MAPK10: variants seen among roughly 807,000 people sequenced by gnomAD.
MAPK10 encodes the protein JNK3 alpha protein kinase.
In MAPK10, 25 loss-of-function variants were observed where a neutral mutation model predicts 59.3. The observed-to-expected ratio is 0.42, with a 90% CI of 0.31 to 0.59. MAPK10 has a LOEUF of 0.59. Among genes scored for constraint, MAPK10 ranks in the 20% least tolerant of loss-of-function variants. The pLI is 0.15. For synonymous variants in MAPK10, 190 were observed against 200.5 expected (o/e 0.95, Z 0.44); for missense variants, 351 against 568.9 (o/e 0.62, Z 3.90).
At chr4:86,105,883 C>G (rs1346016687) in intron 5 of MAPK10, among the ~76,000 whole-genome samples, 1 of 152,098 alleles carries the variant, frequency 6.6e-6, no homozygotes, top group Non-Finnish European at 1.5e-5. Flanking sequence ...GTAAACCTAT[C>G]CCACCATACA....
intron 13 of MAPK10, chr4:86,026,867 G>A (rs1014038768): frequency 2.6e-5 from 4 of 152,020 alleles, no homozygotes; most frequent in East Asian, 3.8e-4. Context: ...ACAGTGGTGC[G>A]CCAATAAAAA....
At chr4:86,588,825 CG>C (rs1229393280) in intron 1 of MAPK10, among the ~76,000 whole-genome samples, 1 of 152,050 alleles carries the variant, frequency 6.6e-6, no homozygotes, top group Non-Finnish European at 1.5e-5. Flanking sequence ...GTTTTTATCA[CG>C]TGTAGAAACA....
chr4:86,426,416 G>A (rs1192967317), intron 1 of MAPK10, among the ~76,000 whole-genome samples: 2 of 152,090 alleles, frequency 1.3e-5, no homozygotes, highest in Non-Finnish European at 2.9e-5. Context: ...TTTATTACTG[G>A]GTGATCAGAA....
intron 1 of MAPK10, among the ~76,000 whole-genome samples, chr4:86,580,194 T>C (rs1410898933): frequency 2.6e-5 from 4 of 152,080 alleles, no homozygotes; most frequent in Non-Finnish European, 5.9e-5. Flanking sequence ...ATAATTAGAC[T>C]AAATACCCTT....
At chr4:86,440,694 G>T (rs937005975) in intron 1 of MAPK10, among the ~76,000 whole-genome samples, 2 of 151,626 alleles carry the variant, frequency 1.3e-5, no homozygotes, top group African/African-American at 4.8e-5. Flanking sequence ...AATAGAATAT[G>T]TCCATACAGT....
intron 8 of MAPK10, 152 bp downstream of exon 8, chr4:86,100,900 T>C (rs970419391): frequency 1.7e-6 from 1 of 595,156 alleles, no homozygotes; most frequent in Non-Finnish European, 2.9e-6. Context: ...GAGTGTTTCT[T>C]ACCAGTAGTA....
chr4:86,463,177 A>G (rs1751894657), intron 1 of MAPK10, among the ~76,000 whole-genome samples: 1 of 152,212 alleles, frequency 6.6e-6, no homozygotes, highest in African/African-American at 2.4e-5. Context: ...TATACAACCT[A>G]TGGGGACATT....
chr4:86,048,272 T>C (rs1188292934), intron 11 of MAPK10, among the ~76,000 whole-genome samples: 2 of 152,044 alleles, frequency 1.3e-5, no homozygotes, highest in Non-Finnish European at 2.9e-5. Flanking sequence ...TTGTGGAAGA[T>C]AGACATAAAA....
At chr4:86,152,695 C>A (rs752398140) in intron 4 of MAPK10, 6 of 152,156 alleles carry the variant, frequency 3.9e-5, no homozygotes, top group Non-Finnish European at 5.9e-5. Flanking sequence ...GGGCCAACTA[C>A]CTTCCCTCTG....
At chr4:86,515,224 T>C (rs1311840122) in intron 1 of MAPK10, among the ~76,000 whole-genome samples, 1 of 152,216 alleles carries the variant, frequency 6.6e-6, no homozygotes, top group Non-Finnish European at 1.5e-5. Context: ...AGTTTCTGTA[T>C]CCACTCTTTG....
chr4:86,213,472 AAAG>A (rs1208331557), intron 2 of MAPK10, among the ~76,000 whole-genome samples: 2 of 152,142 alleles, frequency 1.3e-5, no homozygotes, highest in African/African-American at 4.8e-5. Flanking sequence ...TTAGTAAGAT[AAAG>A]AAGAAGGACT....
intron 2 of MAPK10, among the ~76,000 whole-genome samples, chr4:86,208,009 C>T (rs187177512): frequency 0.03 from 4,600 of 152,062 alleles, 93 homozygotes; most frequent in South Asian, 0.041. Context: ...ATAAATTCCT[C>T]GACACATACA....
At chr4:86,504,639 C>T (rs1755587948) in intron 1 of MAPK10, among the ~76,000 whole-genome samples, 1 of 152,120 alleles carries the variant, frequency 6.6e-6, no homozygotes, top group Non-Finnish European at 1.5e-5. Context: ...TGTCTATAAA[C>T]ATTCACACCT....
chr4:86,452,656 C>G (rs1197076807), intron 1 of MAPK10, among the ~76,000 whole-genome samples: 3 of 152,118 alleles, frequency 2.0e-5, no homozygotes, highest in Non-Finnish European at 4.4e-5. Flanking sequence ...CAGAGATTTT[C>G]CTGTAAGCTA....
intron 1 of MAPK10, among the ~76,000 whole-genome samples, chr4:86,391,817 C>G (rs1033315971): frequency 6.6e-6 from 1 of 152,192 alleles, no homozygotes; most frequent in Non-Finnish European, 1.5e-5. Context: ...AGCATGCATT[C>G]ACACTTACTT....
intron 2 of MAPK10, among the ~76,000 whole-genome samples, chr4:86,345,145 G>C (rs1353555985): frequency 6.6e-6 from 1 of 152,130 alleles, no homozygotes; most frequent in Non-Finnish European, 1.5e-5. Context: ...AAGCAAAATT[G>C]TGCATTAGCA....
intron 2 of MAPK10, among the ~76,000 whole-genome samples, chr4:86,301,980 C>A: frequency 6.6e-6 from 1 of 152,090 alleles, no homozygotes; most frequent in Non-Finnish European, 1.5e-5. Flanking sequence ...GCATCTCAGG[C>A]AGCTGCTTTT....
rs771554854 is a variant in MAPK10, at chr4:86,029,205, G to A, written c.1244C>T (p.Ser415Phe). ...TCACGGAGAGTGAGTACCTGAAGGA[G>A]AAGGCTGTCCTTTTACTACACCATT... ...TKNGVVKGQP[S>F]PSGAAVNSSE... Residue 415 changes from serine to phenylalanine, a missense_variant, in exon 13 of 14, where the codon TCT becomes TTT. By Grantham distance (155) the Ser-to-Phe change is radical. Transcript: ENST00000641462. 6.2e-7 allele frequency: 1 copy of A among 1,606,912 alleles called. No homozygotes were observed. The highest frequency in any genetic ancestry group is 1.1e-5 in the South Asian group (1 of 90,906).
chr4:86,268,965 T>A (rs997654204), intron 2 of MAPK10, among the ~76,000 whole-genome samples: 1 of 152,134 alleles, frequency 6.6e-6, no homozygotes, highest in Non-Finnish European at 1.5e-5. Flanking sequence ...ATTCCTGGTG[T>A]CTAGAATAGT....
Sources: allele counts gnomAD v4.1 joint callset (sites outside exome capture counted in the v4.1 genomes callset), GRCh38; gene constraint gnomAD v4.1.1; transcripts MANE v1.5; gene names NCBI Gene and HGNC (gene_info 2026-07-23, HGNC 2026-07-21).